Variants in NTN4 observed in about 807,000 individuals in gnomAD.
The protein encoded by NTN4 is netrin 4.
A neutral mutation model predicts 73.6 loss-of-function variants in NTN4; 32 were observed. The observed-to-expected ratio is 0.44, with a 90% CI of 0.33 to 0.58. The LOEUF is 0.58. NTN4 is among the 20% of genes least tolerant of loss of function. The pLI is 0.04. For synonymous variants in NTN4, 258 were observed against 287.5 expected (o/e 0.90, Z 1.04); for missense variants, 654 against 798.3 (o/e 0.82, Z 2.18).
At chr12:95,712,361 A>G (rs893806409) in intron 4 of NTN4, among the ~76,000 whole-genome samples, 5 of 152,192 alleles carry the variant, frequency 3.3e-5, no homozygotes, top group Non-Finnish European at 7.3e-5. Flanking sequence ...GTATTATGGG[A>G]AAAAGTACCT....
At chr12:95,717,212 T>C (rs1313455987) in intron 3 of NTN4, among the ~76,000 whole-genome samples, 1 of 152,116 alleles carries the variant, frequency 6.6e-6, no homozygotes, top group Admixed American at 6.5e-5. Flanking sequence ...TCATCATAGG[T>C]TCAACTTATC....
chr12:95,743,817 A>C (rs1565904528), intron 2 of NTN4, among the ~76,000 whole-genome samples: 2 of 152,214 alleles, frequency 1.3e-5, no homozygotes, highest in Non-Finnish European at 2.9e-5. Flanking sequence ...TCCAGCTATA[A>C]TTATCAACTT....
chr12:95,748,476 C>CTTT lies in NTN4; in HGVS notation c.586-10335_586-10333dup, dbSNP rs762351453. 5.3e-4 allele frequency among the ~76,000 whole-genome samples: 56 copies of CTTT among 105,892 alleles called. 1 individual carries two copies. The highest frequency in any genetic ancestry group is 1.5e-3 in the African/African-American group (43 of 28,560). 69.5% of individuals were successfully genotyped at this position (105,892 alleles called of 152,430 possible). ...TCCATAGTAAAACCTATTTTCTTTT[C>CTTT]TTTTTTTTTTTTTTTTTTTGAGATG... On this transcript the variant is annotated intron_variant, in intron 2 of 9. Coordinates refer to ENST00000343702, the MANE Select transcript of NTN4 (RefSeq NM_021229.4).
intron 9 of NTN4, among the ~76,000 whole-genome samples, chr12:95,664,373 A>G (rs2078163240): frequency 6.6e-6 from 1 of 152,132 alleles, no homozygotes; most frequent in Non-Finnish European, 1.5e-5. Context: ...ATTTATTTAT[A>G]TAATTTAAAA....
rs2079171915 is a variant in NTN4 at position 95,786,938 on chromosome 12, C to A, written c.585+1G>T. 1.2e-6 allele frequency: 2 copies of A among 1,612,648 alleles called. No homozygotes were observed. Among genetic ancestry groups the A allele is most frequent in the African/African-American group, 2.7e-5 (2 of 74,880 alleles). ...GTGTAGAGTTAAACAGGTGCCCTTA[C>A]CTCTCCTCCAGTGCATGGAAAAGGA... is the stretch of plus-strand genomic sequence containing the variant. On this transcript the variant is annotated splice_donor_variant, in intron 2 of 9. Coordinates refer to ENST00000343702, the MANE Select transcript of NTN4 (RefSeq NM_021229.4). LOFTEE classifies it high-confidence loss of function.
At chr12:95,760,698 T>TTC (rs1424376402) in intron 2 of NTN4, among the ~76,000 whole-genome samples, 4 of 136,494 alleles carry the variant, frequency 2.9e-5, no homozygotes, top group Non-Finnish European at 4.8e-5. Context: ...TTTTTTTTTT[T>TTC]CTCGCTTAAG....
chr12:95,741,485 C>T (rs2078826480), intron 2 of NTN4, among the ~76,000 whole-genome samples: 1 of 111,342 alleles, frequency 9.0e-6, no homozygotes, highest in South Asian at 3.2e-4. Context: ...CTCCTCCATG[C>T]CAACCTGGAG....
rs139485119 is a variant in NTN4, at chr12:95,705,257, T to C, written c.1180+5184A>G. ...TTTGGAGCCTTTGGTCTTCTGGTAC[T>C]TGGGTATTATCTATAAATATACATG... is the stretch of plus-strand genomic sequence containing the variant. On this transcript the variant is annotated intron_variant, in intron 5 of 9. Coordinates refer to ENST00000343702, the MANE Select transcript of NTN4 (RefSeq NM_021229.4). Among the ~76,000 whole-genome samples the C allele has an allele frequency of 4.3e-4, 65 of 152,302 alleles. 1 individual carries two copies. Among genetic ancestry groups the C allele is most frequent in the African/African-American group, 1.5e-3 (63 of 41,572 alleles).
intron 5 of NTN4, among the ~76,000 whole-genome samples, chr12:95,686,653 G>A (rs1448713939): frequency 3.9e-5 from 6 of 151,912 alleles, no homozygotes; most frequent in African/African-American, 1.5e-4. Context: ...AGCTACTCGG[G>A]AGACTGAGGC....
At chr12:95,788,192 A>C (rs2079183474) in intron 1 of NTN4, among the ~76,000 whole-genome samples, 1 of 152,202 alleles carries the variant, frequency 6.6e-6, no homozygotes, top group Admixed American at 6.5e-5. Flanking sequence ...AAATGGCAGA[A>C]AAGCTTATTT....
intron 2 of NTN4, among the ~76,000 whole-genome samples, 199 bp downstream of exon 2, chr12:95,786,740 C>T (rs921504455): frequency 1.3e-5 from 2 of 152,260 alleles, no homozygotes; most frequent in African/African-American, 4.8e-5. Context: ...GACTTAAACC[C>T]AGCCAGTGGG....
chr12:95,672,635 C>A, intron 7 of NTN4: 3 of 1,520,268 alleles, frequency 2.0e-6, no homozygotes, highest in Non-Finnish European at 1.8e-6. Flanking sequence ...TGGTGAGGCC[C>A]AGGTGAAGAT....
intron 2 of NTN4, among the ~76,000 whole-genome samples, chr12:95,771,307 G>T (rs2121272671): frequency 6.6e-6 from 1 of 152,262 alleles, no homozygotes; most frequent in South Asian, 2.1e-4. Context: ...GTTTCTTAGA[G>T]ATACACTGAG....
chr12:95,784,534 C>T lies in NTN4; in HGVS notation c.585+2405G>A, dbSNP rs527648055. ...CTGTAATCCCAGCACTTTGGCAGGC[C>T]GAGGAGGGCGGATCACTAGGTCAGG... is the stretch of plus-strand genomic sequence containing the variant. On this transcript the variant is annotated intron_variant, in intron 2 of 9. Coordinates refer to ENST00000343702, the MANE Select transcript of NTN4 (RefSeq NM_021229.4). Among the ~76,000 whole-genome samples, 325 of 152,118 alleles carry T rather than the reference C, an allele frequency of 2.1e-3. 2 individuals are homozygous for T. The highest frequency in any genetic ancestry group is 6.3e-3 in the Admixed American group (96 of 15,272).
rs2079088043 is a variant in NTN4, at chr12:95,775,830, G to T, written c.585+11109C>A. Among the ~76,000 whole-genome samples the T allele has an allele frequency of 2.0e-5, 3 of 152,330 alleles. No individual in the cohort carries two copies. In the South Asian group the frequency reaches 6.2e-4, roughly 32 times the overall value. ...TCCCTGTCTGACAGCTTTGAAGAGA[G>T]TAGTGGTTCTCCCAGCACGGAGTTT... On this transcript the variant is annotated intron_variant, in intron 2 of 9. Transcript: ENST00000343702.
chr12:95,745,893 A>G (rs74500701), intron 2 of NTN4, among the ~76,000 whole-genome samples: 4,848 of 152,122 alleles, frequency 0.032, 274 homozygotes, highest in East Asian at 0.3. Flanking sequence ...CTGAGGTGAT[A>G]CTCTTCGAAT....
chr12:95,774,909 G>A (rs1592716930), intron 2 of NTN4, among the ~76,000 whole-genome samples: 1 of 152,202 alleles, frequency 6.6e-6, no homozygotes, highest in South Asian at 2.1e-4. Flanking sequence ...TATCTTTCAT[G>A]CTACTTGACT....
intron 5 of NTN4, among the ~76,000 whole-genome samples, chr12:95,694,989 G>A (rs899283719): frequency 1.1e-4 from 17 of 152,224 alleles, no homozygotes; most frequent in African/African-American, 3.6e-4. Flanking sequence ...TCAGCTGGGT[G>A]TGGCGGTGCA....
rs561998291 is a variant in NTN4 at position 95,694,949 on chromosome 12, G to A, written c.1181-11238C>T. 2.4e-4 allele frequency among the ~76,000 whole-genome samples: 37 copies of A among 152,256 alleles called. No homozygotes were observed. The South Asian group carries it at 7.7e-3, about 32-fold the overall frequency. ...TCAAGACCAGTCTGGTCATCATGGT[G>A]AAACCCCATCTCTACTCAAAATACA... is the stretch of plus-strand genomic sequence containing the variant. On this transcript the variant is annotated intron_variant, in intron 5 of 9. Coordinates refer to ENST00000343702, the MANE Select transcript of NTN4 (RefSeq NM_021229.4).
Sources: allele counts gnomAD v4.1 joint callset (sites outside exome capture counted in the v4.1 genomes callset), GRCh38; gene constraint gnomAD v4.1.1; transcripts MANE v1.5; gene names NCBI Gene and HGNC (gene_info 2026-07-23, HGNC 2026-07-21).